Variants in GTPBP10 observed in about 807,000 individuals in gnomAD.
The protein encoded by GTPBP10 is GTP-binding protein 10.
In GTPBP10, 38 loss-of-function variants were observed where a neutral mutation model predicts 44.8. The observed-to-expected ratio is 0.85, with a 90% CI of 0.65 to 1.11. The LOEUF (loss-of-function observed/expected upper bound fraction) is 1.11. GTPBP10 is among the 50% of genes most tolerant of loss of function. The pLI is 0.00. For missense variants in GTPBP10, 462 were observed against 453.7 expected, an observed-to-expected ratio of 1.02 and a Z score of -0.17; for synonymous variants, 152 against 150.6, an observed-to-expected ratio of 1.01 and a Z score of -0.07.
chr7:90,346,836 C>G, intron 1 of GTPBP10, 62 bp downstream of exon 1: 2 of 1,558,566 alleles, frequency 1.3e-6, no homozygotes, highest in South Asian at 2.2e-5. Flanking sequence ...CTTCTTTGCT[C>G]CCCTGTCTCT....
At chr7:90,360,453 TG>T (rs1029836600) in intron 4 of GTPBP10, among the ~76,000 whole-genome samples, 1 of 152,152 alleles carries the variant, frequency 6.6e-6, no homozygotes, top group African/African-American at 2.4e-5. Flanking sequence ...TGGTTGAAGA[TG>T]TGTGTTATTA....
At position 90,386,070 on chromosome 7, in the gene GTPBP10, AAAG is replaced by A. The variant is rs1217278005; in HGVS notation, c.*918_*920del. ...AGCTAGACTCCATCTCAAAAAAAAA[AAAG>A]AGCTAAAAAATTACATTTTACAAGT... is the stretch of plus-strand genomic sequence containing the variant. On this transcript the variant is annotated 3_prime_UTR_variant, in exon 10 of 10. Transcript: ENST00000222511. 1 of 152,120 alleles carries A rather than the reference AAAG, an allele frequency of 6.6e-6. No individual in the cohort carries two copies. The highest frequency in any genetic ancestry group is 2.4e-5 in the African/African-American group (1 of 41,446). The allele number at this position is 152,120 out of a possible 1,614,324, so 9.4% of individuals were successfully genotyped here. A position where few individuals can be genotyped will look rare whatever the true frequency, so the allele number is the denominator to read the frequency against.
At chr7:90,354,642 TTAAC>T (rs1205882456) in intron 3 of GTPBP10, 93 bp downstream of exon 3, 5 of 655,326 alleles carry the variant, frequency 7.6e-6, no homozygotes, top group Admixed American at 3.1e-5. Context: ...AGAAGATTTT[TTAAC>T]TAACAATTTT....
At chr7:90,351,805 C>G (rs1460847412) in intron 1 of GTPBP10, among the ~76,000 whole-genome samples, 3 of 152,122 alleles carry the variant, frequency 2.0e-5, no homozygotes, top group African/African-American at 7.2e-5. Flanking sequence ...ATGCCATTCT[C>G]CTGCCTCAGC....
intron 8 of GTPBP10, among the ~76,000 whole-genome samples, chr7:90,379,237 G>A (rs1220362255): frequency 1.3e-5 from 2 of 152,090 alleles, no homozygotes; most frequent in Non-Finnish European, 2.9e-5. Context: ...TATCTACGCT[G>A]TTATAATCAT....
chr7:90,387,052 C>G lies in GTPBP10; in HGVS notation c.*1898C>G, dbSNP rs943475336. On this transcript the variant is annotated 3_prime_UTR_variant, in exon 10 of 10. Coordinates refer to ENST00000222511, the MANE Select transcript of GTPBP10 (RefSeq NM_033107.4). ...AGTAGCAAGTTAAAAAATTGTACTT[C>G]AGGCCAGGCACGGTGGGTCACGCCT... The G allele has an allele frequency of 6.6e-6, 1 of 152,070 alleles. No individual in the cohort carries two copies. The highest frequency in any genetic ancestry group is 6.6e-5 in the Admixed American group (1 of 15,244). The allele number at this position is 152,070 out of a possible 1,614,324, so 9.4% of individuals were successfully genotyped here. A position where few individuals can be genotyped will look rare whatever the true frequency, so the allele number is the denominator to read the frequency against.
At chr7:90,375,741 A>C (rs545602996) in intron 6 of GTPBP10, among the ~76,000 whole-genome samples, 1 of 152,210 alleles carries the variant, frequency 6.6e-6, no homozygotes, top group South Asian at 2.1e-4. Context: ...ATTTATCTAC[A>C]CTGGGCAAGG....
intron 4 of GTPBP10, among the ~76,000 whole-genome samples, chr7:90,371,469 A>G (rs1183896365): frequency 1.3e-5 from 2 of 152,206 alleles, no homozygotes; most frequent in South Asian, 2.1e-4. Flanking sequence ...CAATAGAGGG[A>G]AAAAGAGCAT....
chr7:90,369,262 CTT>C (rs1025064541), intron 4 of GTPBP10, among the ~76,000 whole-genome samples: 2 of 152,200 alleles, frequency 1.3e-5, no homozygotes, highest in African/African-American at 4.8e-5. Context: ...CAGGGACCCA[CTT>C]GAGGAGGCAG....
intron 4 of GTPBP10, among the ~76,000 whole-genome samples, 198 bp downstream of exon 4, chr7:90,355,428 T>C (rs568342490): frequency 1.3e-5 from 2 of 152,296 alleles, no homozygotes; most frequent in East Asian, 3.9e-4. Flanking sequence ...TGCTTATTTA[T>C]AAAATTAAGA....
rs769398948 is a variant in GTPBP10, at chr7:90,346,748, C to T, written c.7C>T (p.His3Tyr). MV[H>Y]CSCVLFRKYG... is the part of the protein sequence containing the mutation. ...TTCCTGGCCTGTTGCAGCCATGGTG[C>T]ATTGCAGTTGCGTGTTGTTCAGAAA... is the stretch of plus-strand genomic sequence containing the variant. Residue 3 changes from histidine to tyrosine, a missense_variant, in exon 1 of 10, where the codon CAT (histidine) becomes TAT (tyrosine). By Grantham distance (83) the His-to-Tyr change is moderately conservative. Transcript: ENST00000222511. 2 of 1,614,258 alleles carry T rather than the reference C, an allele frequency of 1.2e-6. No homozygotes were observed. Among genetic ancestry groups the T allele is most frequent in the Non-Finnish European group, 1.7e-6 (2 of 1,180,042 alleles).
chr7:90,387,303 T>A lies in GTPBP10; in HGVS notation c.*2149T>A, dbSNP rs1340477716. 4.0e-5 allele frequency: 6 copies of A among 150,818 alleles called. No individual in the cohort carries two copies. Among genetic ancestry groups the A allele is most frequent in the African/African-American group, 1.2e-4 (5 of 40,880 alleles). 9.3% of individuals were successfully genotyped at this position (150,818 alleles called of 1,614,324 possible). ...GTGAGCTGAGATTGCGCCATTGCAC[T>A]CCAGCCTGGAGGACAAGAGGGAGAC... On this transcript the variant is annotated 3_prime_UTR_variant, in exon 10 of 10. Transcript: ENST00000222511.
chr7:90,366,587 G>GGTATAGT (rs1796138394), intron 4 of GTPBP10, among the ~76,000 whole-genome samples: 1 of 152,092 alleles, frequency 6.6e-6, no homozygotes, highest in African/African-American at 2.4e-5. Flanking sequence ...AGTATTGTCT[G>GGTATAGT]ATGGTAATTT....
At chr7:90,380,973 T>C (rs1430651503) in intron 8 of GTPBP10, among the ~76,000 whole-genome samples, 1 of 152,232 alleles carries the variant, frequency 6.6e-6, no homozygotes, top group Non-Finnish European at 1.5e-5. Context: ...GATTTTCTTT[T>C]TTTAAGGCTG....
intron 5 of GTPBP10, among the ~76,000 whole-genome samples, chr7:90,373,733 G>A (rs953380275): frequency 2.0e-5 from 3 of 152,146 alleles, no homozygotes; most frequent in South Asian, 4.2e-4. Flanking sequence ...TGACCCTCCT[G>A]AACATCTATC....
rs374047570 is a variant in GTPBP10 at position 90,374,359 on chromosome 7, G to C, written c.591+5G>C. 1 of 1,569,426 alleles carries C rather than the reference G, an allele frequency of 6.4e-7. No individual in the cohort carries two copies. The highest frequency in any genetic ancestry group is 1.1e-5 in the South Asian group (1 of 89,786). Reference sequence around the variant, plus strand: ...ATGTACAGTGATTTCAAACAGGTAGGTATTTTTAAAGTAAAACACTATATT... The same window carrying C: ...ATGTACAGTGATTTCAAACAGGTAGCTATTTTTAAAGTAAAACACTATATT... On this transcript the variant is annotated splice_donor_5th_base_variant and intron_variant, in intron 6 of 9. Coordinates refer to ENST00000222511, the MANE Select transcript of GTPBP10 (RefSeq NM_033107.4).
intron 1 of GTPBP10, among the ~76,000 whole-genome samples, chr7:90,351,304 G>A (rs1004731567): frequency 6.6e-6 from 1 of 152,160 alleles, no homozygotes; most frequent in Admixed American, 6.5e-5. Context: ...GTGTGGCCAG[G>A]TGCAGTAGCT....
chr7:90,377,737 A>G (rs916296469), intron 7 of GTPBP10, 123 bp downstream of exon 7: 2 of 643,170 alleles, frequency 3.1e-6, no homozygotes, highest in South Asian at 5.2e-5. Context: ...GTCTTTTATA[A>G]TATGGGGATG....
chr7:90,363,483 A>G (rs1796068613), intron 4 of GTPBP10, among the ~76,000 whole-genome samples: 1 of 152,326 alleles, frequency 6.6e-6, no homozygotes, highest in Non-Finnish European at 1.5e-5. Context: ...TCTGGCTTTT[A>G]GAGTTTCTGC....
Sources: gnomAD v4.1 joint callset for allele counts (sites outside exome capture counted in the v4.1 genomes callset) on GRCh38, gnomAD v4.1.1 for gene constraint, MANE v1.5 for transcripts, NCBI Gene and HGNC (gene_info 2026-07-23, HGNC 2026-07-21) for gene names.